COL11A1: variants seen among roughly 807,000 people sequenced by gnomAD.
COL11A1 encodes collagen type XI alpha 1 chain.
Under a neutral mutation model 265.2 loss-of-function variants are expected in COL11A1, and 74 were observed. The ratio of observed to expected loss-of-function variants is 0.28; its 90% CI spans 0.23 to 0.34. The LOEUF is 0.34. Among genes scored for constraint, COL11A1 ranks in the 10% least tolerant of loss-of-function variants. The pLI, the probability that COL11A1 is intolerant of heterozygous loss-of-function variation, is 1.00. For synonymous variants in COL11A1, 816 were observed against 727.6 expected (o/e 1.12, Z -1.96); for missense variants, 2,165 against 2,263.6 (o/e 0.96, Z 0.88).
At chr1:103,086,852 A>C (rs577012202) in intron 1 of COL11A1, among the ~76,000 whole-genome samples, 15 of 152,290 alleles carry the variant, frequency 9.8e-5, no homozygotes, top group South Asian at 6.2e-4. Context: ...ACAAAAAAGT[A>C]AAACTCCATT....
chr1:103,076,010 A>G (rs1424903592), intron 3 of COL11A1, among the ~76,000 whole-genome samples: 1 of 152,010 alleles, frequency 6.6e-6, no homozygotes, highest in Non-Finnish European at 1.5e-5. Flanking sequence ...TATTATAGGT[A>G]TGTGCTTTTC....
intron 28 of COL11A1, among the ~76,000 whole-genome samples, chr1:102,991,547 A>G (rs1344354997): frequency 6.6e-6 from 1 of 152,078 alleles, no homozygotes; most frequent in Non-Finnish European, 1.5e-5. Context: ...TTGCAACAAT[A>G]TGCCGTCCTG....
chr1:103,082,178 G>A (rs1269466576), intron 2 of COL11A1, among the ~76,000 whole-genome samples: 1 of 151,898 alleles, frequency 6.6e-6, no homozygotes, highest in Non-Finnish European at 1.5e-5. Flanking sequence ...GTACCATTAT[G>A]AAAAACTGCC....
chr1:103,074,575 T>C, intron 4 of COL11A1, 43 bp downstream of exon 4: 1 of 1,605,026 alleles, frequency 6.2e-7, no homozygotes, highest in Non-Finnish European at 8.5e-7. Context: ...ACCCAGTTCA[T>C]CTGATTTGTC....
chr1:102,974,910 G>T (rs1662321553), intron 35 of COL11A1, 27 bp from the exon 36 acceptor site: 1 of 1,576,728 alleles, frequency 6.3e-7, no homozygotes, highest in Non-Finnish European at 8.7e-7. Flanking sequence ...GTGGGGAGAA[G>T]TTAACAATAT....
At chr1:102,895,531 G>A (rs1349132843) in intron 57 of COL11A1, among the ~76,000 whole-genome samples, 1 of 152,076 alleles carries the variant, frequency 6.6e-6, no homozygotes, top group Non-Finnish European at 1.5e-5. Flanking sequence ...TGAAGCCTGT[G>A]TAGATTTGGA....
chr1:102,977,623 G>T (rs1371203390), intron 35 of COL11A1, among the ~76,000 whole-genome samples: 2 of 152,006 alleles, frequency 1.3e-5, no homozygotes, highest in Non-Finnish European at 2.9e-5. Flanking sequence ...TTGTTAAATT[G>T]TTCTACTCCA....
intron 4 of COL11A1, among the ~76,000 whole-genome samples, chr1:103,066,459 T>A (rs893397750): frequency 6.6e-5 from 10 of 150,744 alleles, no homozygotes; most frequent in African/African-American, 2.4e-4. Context: ...ATTTTACAAT[T>A]ATTATAAAAA....
chr1:103,003,958 A>G (rs767680933), intron 20 of COL11A1, among the ~76,000 whole-genome samples: 4 of 152,174 alleles, frequency 2.6e-5, no homozygotes, highest in African/African-American at 4.8e-5. Context: ...CAAAATTAGG[A>G]GGCCTATTTC....
Position 102,886,948 on chromosome 1 carries a change from A to G in COL11A1, c.4717T>C (p.Ser1573Pro), listed in dbSNP as rs865904271. 7 of 1,613,830 alleles carry G rather than the reference A, an allele frequency of 4.3e-6. No individual in the cohort carries two copies. In the African/African-American group the frequency reaches 6.7e-5, roughly 15 times the overall value. ...CCAAATATTTCTTCCATTCCATCCG[A>G]GTAATCAAGAATATTATCATCTGCA... is the stretch of plus-strand genomic sequence containing the variant. ...ADADDNILDY[S>P]DGMEEIFGSL... Residue 1573 changes from serine to proline, a missense_variant, in exon 63 of 67, where the codon TCG becomes CCG. Ser to Pro is a moderately conservative substitution (Grantham distance 74). Transcript: ENST00000370096.
At chr1:103,000,197 C>T (rs573888525) in intron 24 of COL11A1, among the ~76,000 whole-genome samples, 2 of 151,774 alleles carry the variant, frequency 1.3e-5, no homozygotes, top group African/African-American at 4.8e-5. Flanking sequence ...AAGTGCAATA[C>T]AAAATAAATA....
intron 1 of COL11A1, among the ~76,000 whole-genome samples, chr1:103,106,364 G>A (rs1328816839): frequency 1.3e-5 from 2 of 151,970 alleles, no homozygotes; most frequent in African/African-American, 4.8e-5. Flanking sequence ...ATTTACATGC[G>A]TGTGTGACAT....
chr1:102,893,227 GCTC>G (rs571795023), intron 57 of COL11A1, among the ~76,000 whole-genome samples: 38 of 152,170 alleles, frequency 2.5e-4, no homozygotes, highest in Non-Finnish European at 2.4e-4. Flanking sequence ...GATTCTAATT[GCTC>G]AAGCTTAGTG....
rs761940869 is a variant in COL11A1, at chr1:102,998,381, A to T, written c.2143-18T>A. On this transcript the variant is annotated intron_variant, in intron 24 of 66. Coordinates refer to ENST00000370096, the MANE Select transcript of COL11A1 (RefSeq NM_001854.4). Reference sequence around the variant, plus strand: ...TGTGGTCCCTTATAGAGAAAAAAAAAATATTAAAAAGATAAAAATAATTTT... The same window carrying T: ...TGTGGTCCCTTATAGAGAAAAAAAATATATTAAAAAGATAAAAATAATTTT... 6.5e-5 allele frequency: 99 copies of T among 1,529,040 alleles called. No individual in the cohort carries two copies. The highest frequency in any genetic ancestry group is 4.3e-4 in the South Asian group (33 of 77,422). The allele number at this position is 1,529,040 out of a possible 1,614,324, so 94.7% of individuals were successfully genotyped here. A position where few individuals can be genotyped will look rare whatever the true frequency, so the allele number is the denominator to read the frequency against.
At chr1:102,905,631 G>C (rs971251185) in intron 54 of COL11A1, among the ~76,000 whole-genome samples, 1 of 151,244 alleles carries the variant, frequency 6.6e-6, no homozygotes, top group Non-Finnish European at 1.5e-5. Flanking sequence ...TCTACTGTTT[G>C]ACAAATCCAT....
chr1:103,001,663 G>A (rs1361799267), intron 24 of COL11A1: 5 of 537,692 alleles, frequency 9.3e-6, no homozygotes, highest in African/African-American at 7.6e-5. Context: ...CACTCATACC[G>A]TTATGTTCCT....
At chr1:103,065,245 G>A (rs535185431) in intron 4 of COL11A1, among the ~76,000 whole-genome samples, 7 of 152,182 alleles carry the variant, frequency 4.6e-5, no homozygotes, top group African/African-American at 1.4e-4. Flanking sequence ...AATTGGCCGG[G>A]CACGGTGGCT....
chr1:102,879,945 A>C, intron 65 of COL11A1, 29 bp from the exon 66 acceptor site: 1 of 1,407,024 alleles, frequency 7.1e-7, no homozygotes, highest in Non-Finnish European at 1.0e-6. Flanking sequence ...AAAGACACCT[A>C]ATGACTCTTT....
intron 41 of COL11A1, among the ~76,000 whole-genome samples, chr1:102,952,152 G>T (rs2101476937): frequency 6.6e-6 from 1 of 152,120 alleles, no homozygotes; most frequent in East Asian, 1.9e-4. Flanking sequence ...AGGCTGAAGT[G>T]CAGTGGTGCG....
Sources: allele counts gnomAD v4.1 joint callset (sites outside exome capture counted in the v4.1 genomes callset), GRCh38; gene constraint gnomAD v4.1.1; transcripts MANE v1.5; gene names NCBI Gene and HGNC (gene_info 2026-07-23, HGNC 2026-07-21).